GABRB1: variants seen among roughly 807,000 people sequenced by gnomAD.
The protein encoded by GABRB1 is gamma-aminobutyric acid type A receptor subunit beta1, also known as gamma-aminobutyric acid receptor subunit beta-1.
In GABRB1, 17 loss-of-function variants were observed where a neutral mutation model predicts 51.6. The ratio of observed to expected loss-of-function variants is 0.33; its 90% confidence interval spans 0.23 to 0.49. The LOEUF is 0.49. Ranked by LOEUF, GABRB1 falls within the 20% of genes least tolerant of loss-of-function variation. GABRB1 has a pLI of 0.99. For missense variants in GABRB1, 410 were observed against 600.6 expected (o/e 0.68, Z 3.32); for synonymous variants, 247 against 218.9 (o/e 1.13, Z -1.14).
chr4:47,206,076 A>G (rs993199706), intron 4 of GABRB1, among the ~76,000 whole-genome samples: 1 of 151,968 alleles, frequency 6.6e-6, no homozygotes, highest in Non-Finnish European at 1.5e-5. Flanking sequence ...ATAGCACTGA[A>G]TATCTTAAAA....
At chr4:47,282,783 A>C (rs1284960613) in intron 4 of GABRB1, among the ~76,000 whole-genome samples, 1 of 152,236 alleles carries the variant, frequency 6.6e-6, no homozygotes, top group East Asian at 1.9e-4. Context: ...GAAAGATTTT[A>C]CTTAATTCAT....
At chr4:47,400,655 G>T (rs1381072114) in intron 5 of GABRB1, among the ~76,000 whole-genome samples, 1 of 151,390 alleles carries the variant, frequency 6.6e-6, no homozygotes. Flanking sequence ...CTGGGTTATT[G>T]ATGTATCCAT....
chr4:47,041,854 A>T (rs549858845), intron 3 of GABRB1, among the ~76,000 whole-genome samples: 1 of 151,990 alleles, frequency 6.6e-6, no homozygotes, highest in Non-Finnish European at 1.5e-5. Context: ...ACCTCCTGCC[A>T]CCTGCAAACC....
At chr4:47,401,839 T>TA (rs1728404852) in intron 5 of GABRB1, among the ~76,000 whole-genome samples, 1 of 36,240 alleles carries the variant, frequency 2.8e-5, no homozygotes, top group Non-Finnish European at 6.0e-5. Flanking sequence ...TATCTATCTA[T>TA]CATCTATCTA....
intron 5 of GABRB1, among the ~76,000 whole-genome samples, chr4:47,346,626 A>T (rs1009797175): frequency 1.2e-4 from 19 of 152,254 alleles, no homozygotes; most frequent in African/African-American, 4.6e-4. Flanking sequence ...TTACTATTTC[A>T]GCATTATTGC....
intron 4 of GABRB1, among the ~76,000 whole-genome samples, chr4:47,313,133 A>G (rs977694982): frequency 7.9e-5 from 12 of 152,180 alleles, no homozygotes; most frequent in Non-Finnish European, 1.6e-4. Context: ...CAAAATGTCA[A>G]TAAATTGGGA....
chr4:47,011,986 A>T (rs1724594790), intron 1 of GABRB1, among the ~76,000 whole-genome samples: 1 of 152,186 alleles, frequency 6.6e-6, no homozygotes, highest in Non-Finnish European at 1.5e-5. Flanking sequence ...GTCAAAATTG[A>T]TTCAGAATTT....
At chr4:47,158,065 G>A (rs1717776719) in intron 3 of GABRB1, among the ~76,000 whole-genome samples, 1 of 152,090 alleles carries the variant, frequency 6.6e-6, no homozygotes, top group Admixed American at 6.6e-5. Flanking sequence ...CACATGGCAT[G>A]TAGCTCTTTC....
intron 1 of GABRB1, among the ~76,000 whole-genome samples, chr4:47,017,533 A>C (rs1724785631): frequency 1.3e-5 from 2 of 152,206 alleles, no homozygotes; most frequent in South Asian, 4.1e-4. Context: ...CCAAATAAAG[A>C]AATAAGAAAC....
intron 4 of GABRB1, among the ~76,000 whole-genome samples, chr4:47,199,410 T>C (rs1336137257): frequency 1.3e-5 from 2 of 152,156 alleles, no homozygotes; most frequent in Non-Finnish European, 2.9e-5. Flanking sequence ...CTTAGCTATC[T>C]TAGCAGAAGT....
At chr4:47,187,442 T>C (rs1020030356) in intron 4 of GABRB1, among the ~76,000 whole-genome samples, 2 of 151,898 alleles carry the variant, frequency 1.3e-5, no homozygotes, top group African/African-American at 4.8e-5. Flanking sequence ...CTTGTCCTTG[T>C]TTCTTTACAA....
intron 3 of GABRB1, among the ~76,000 whole-genome samples, chr4:47,089,565 C>A (rs1198812126): frequency 6.6e-6 from 1 of 152,100 alleles, no homozygotes; most frequent in Non-Finnish European, 1.5e-5. Context: ...TGTTTTAAAA[C>A]CACATTAGGA....
intron 4 of GABRB1, among the ~76,000 whole-genome samples, chr4:47,300,767 T>G (rs9683412): frequency 6.6e-6 from 1 of 151,902 alleles, no homozygotes; most frequent in African/African-American, 2.4e-5. Flanking sequence ...ATAGTAAACA[T>G]TGAAACCCAA....
intron 1 of GABRB1, among the ~76,000 whole-genome samples, chr4:47,017,307 T>C (rs539991347): frequency 1.3e-5 from 2 of 152,326 alleles, no homozygotes; most frequent in South Asian, 4.1e-4. Context: ...GTATTATGAC[T>C]CTGGCAGCTA....
At chr4:47,335,857 G>T (rs1725679123) in intron 5 of GABRB1, among the ~76,000 whole-genome samples, 1 of 152,168 alleles carries the variant, frequency 6.6e-6, no homozygotes, top group Admixed American at 6.5e-5. Flanking sequence ...CCAAGAGTAG[G>T]TCAAGGTGAG....
intron 4 of GABRB1, among the ~76,000 whole-genome samples, chr4:47,185,578 G>T (rs968194118): frequency 6.6e-6 from 1 of 151,726 alleles, no homozygotes; most frequent in African/African-American, 2.4e-5. Flanking sequence ...AAATGGTATG[G>T]TGTATTATCA....
At chr4:47,219,264 T>C (rs991351415) in intron 4 of GABRB1, among the ~76,000 whole-genome samples, 3 of 152,026 alleles carry the variant, frequency 2.0e-5, no homozygotes, top group Non-Finnish European at 2.9e-5. Context: ...AACGTAATTC[T>C]ATAAGGAATT....
At chr4:47,231,377 A>G (rs556277115) in intron 4 of GABRB1, among the ~76,000 whole-genome samples, 2 of 152,278 alleles carry the variant, frequency 1.3e-5, no homozygotes, top group South Asian at 2.1e-4. Flanking sequence ...TTCATCTGTA[A>G]AATGAGGAGG....
chr4:47,058,525 A>G (rs1477100631), intron 3 of GABRB1, among the ~76,000 whole-genome samples: 1 of 152,160 alleles, frequency 6.6e-6, no homozygotes, highest in Non-Finnish European at 1.5e-5. Flanking sequence ...CTGGATATCC[A>G]TGCATCCGGG....
Sources: gnomAD v4.1 joint callset for allele counts (sites outside exome capture counted in the v4.1 genomes callset) on GRCh38, gnomAD v4.1.1 for gene constraint, MANE v1.5 for transcripts, NCBI Gene and HGNC (gene_info 2026-07-23, HGNC 2026-07-21) for gene names.